BMAL1: variants seen among roughly 807,000 people sequenced by gnomAD.
BMAL1 encodes basic helix-loop-helix ARNT-like protein 1.
chr11:13,354,206 C>CCCCCCCAA, the BMAL1 span: 3 of 880,510 alleles, frequency 3.4e-6, no homozygotes, highest in South Asian at 1.5e-5. Context: ...CCCGGCCCCC[C>CCCCCCCAA]ACCACCAAAC....
the BMAL1 span, among the ~76,000 whole-genome samples, chr11:13,278,414 C>A: frequency 6.6e-6 from 1 of 152,210 alleles, no homozygotes; most frequent in Non-Finnish European, 1.5e-5. Context: ...TGGTGGCTGC[C>A]CCTCAAGGGC....
At chr11:13,369,757 A>G in the BMAL1 span, 1 of 1,608,770 alleles carries the variant, frequency 6.2e-7, no homozygotes, top group East Asian at 2.2e-5. Flanking sequence ...CTACCTGCTC[A>G]AAGAAAAAAG....
the BMAL1 span, among the ~76,000 whole-genome samples, chr11:13,286,735 T>C: frequency 6.6e-6 from 1 of 152,242 alleles, no homozygotes; most frequent in Non-Finnish European, 1.5e-5. Context: ...CCAGAACTTT[T>C]GGTCCAGATA....
At chr11:13,344,299 T>TGAG in the BMAL1 span, among the ~76,000 whole-genome samples, 10 of 152,218 alleles carry the variant, frequency 6.6e-5, no homozygotes, top group African/African-American at 2.4e-4. Context: ...AAGCACGCCT[T>TGAG]CCTCAAGACA....
chr11:13,357,397 CT>C, the BMAL1 span, among the ~76,000 whole-genome samples: 1 of 152,260 alleles, frequency 6.6e-6, no homozygotes, highest in Non-Finnish European at 1.5e-5. The surrounding 1 kb of genome is among the most constrained non-coding windows in gnomAD (Gnocchi z 4.8). Context: ...GTCTTCCTGA[CT>C]GGAGCGCCCT....
the BMAL1 span, among the ~76,000 whole-genome samples, chr11:13,315,215 A>C: frequency 6.6e-6 from 1 of 152,106 alleles, no homozygotes; most frequent in African/African-American, 2.4e-5. Flanking sequence ...CTCCCCTTGT[A>C]GGGACTTTCC....
At chr11:13,299,618 G>A in the BMAL1 span, among the ~76,000 whole-genome samples, 1 of 152,082 alleles carries the variant, frequency 6.6e-6, no homozygotes, top group Non-Finnish European at 1.5e-5. Context: ...TGAGGGAGAG[G>A]GCCCTGGGAG....
chr11:13,345,693 G>C, the BMAL1 span, among the ~76,000 whole-genome samples: 1 of 152,164 alleles, frequency 6.6e-6, no homozygotes, highest in African/African-American at 2.4e-5. Context: ...GTCATTTTAA[G>C]TAAGATAAGT....
the BMAL1 span, among the ~76,000 whole-genome samples, chr11:13,314,944 C>T: frequency 6.6e-6 from 1 of 152,192 alleles, no homozygotes; most frequent in African/African-American, 2.4e-5. Flanking sequence ...TAGCACAATG[C>T]ACCTAGCCAA....
chr11:13,372,297 C>T, the BMAL1 span: 1 of 1,614,038 alleles, frequency 6.2e-7, no homozygotes, highest in Non-Finnish European at 8.5e-7. Flanking sequence ...CGCAATTGGA[C>T]GACTGCATTC....
chr11:13,290,811 A>ACCG, the BMAL1 span, among the ~76,000 whole-genome samples: 193 of 152,052 alleles, frequency 1.3e-3, 9 homozygotes, highest in South Asian at 0.039. Context: ...TCCAGTGCCC[A>ACCG]GCTGCATAAC....
chr11:13,304,569 G>T, the BMAL1 span, among the ~76,000 whole-genome samples: 1 of 152,178 alleles, frequency 6.6e-6, no homozygotes, highest in African/African-American at 2.4e-5. Flanking sequence ...TTCATGACTA[G>T]GCTTTCAGAC....
chr11:13,276,972 G>A, the BMAL1 span: 94,331 of 152,184 alleles, frequency 0.62, 30,129 homozygotes, highest in Non-Finnish European at 0.7. Context: ...GCTACTGGAA[G>A]GAAATGCAAT....
the BMAL1 span, chr11:13,358,614 C>T: frequency 2.6e-6 from 4 of 1,541,912 alleles, no homozygotes; most frequent in South Asian, 4.9e-5. Flanking sequence ...GCTCTATTGT[C>T]CTTTATGTCC....
chr11:13,339,680 C>G, the BMAL1 span, among the ~76,000 whole-genome samples: 1 of 152,258 alleles, frequency 6.6e-6, no homozygotes, highest in Admixed American at 6.5e-5. Flanking sequence ...TGTTCACTAG[C>G]TGTCCTCTGC....
At chr11:13,356,588 A>T in the BMAL1 span, 1 of 858,130 alleles carries the variant, frequency 1.2e-6, no homozygotes, top group Non-Finnish European at 1.8e-6. Context: ...CATTTGTTTT[A>T]CCCTTATTAT....
chr11:13,355,790 C>T, the BMAL1 span, among the ~76,000 whole-genome samples: 1 of 152,110 alleles, frequency 6.6e-6, no homozygotes, highest in Non-Finnish European at 1.5e-5. Context: ...TGTGAGGAAC[C>T]CCAGGGCGTC....
chr11:13,346,867 G>A, the BMAL1 span, among the ~76,000 whole-genome samples: 6 of 152,178 alleles, frequency 3.9e-5, no homozygotes, highest in Non-Finnish European at 5.9e-5. Context: ...AGGTCAGGGC[G>A]GCCGTCAGAG....
the BMAL1 span, among the ~76,000 whole-genome samples, chr11:13,350,807 A>G: frequency 6.6e-6 from 1 of 151,390 alleles, no homozygotes. Flanking sequence ...GAAAAGACTT[A>G]AAACATGTCA....
Sources: allele counts gnomAD v4.1 joint callset (sites outside exome capture counted in the v4.1 genomes callset), GRCh38; gene constraint gnomAD v4.1.1; non-coding constraint Gnocchi (gnomAD v3.1); transcripts MANE v1.5; gene names NCBI Gene and HGNC (gene_info 2026-07-23, HGNC 2026-07-21).